Variants in GOLM2 observed in about 807,000 individuals in gnomAD.
GOLM2 encodes the protein golgi membrane protein 2, also known as protein GOLM2.
GOLM2 carries 26 observed loss-of-function variants against 55.9 expected under a neutral mutation model. That is an observed-to-expected ratio of 0.47 (90% CI 0.34 to 0.65). The LOEUF is 0.65. GOLM2 is among the 30% of genes least tolerant of loss of function. The probability of loss-of-function intolerance (pLI) is 0.01; values close to 1 mark genes in which losing one functional copy is unlikely to be tolerated. For synonymous variants in GOLM2, 165 were observed against 194.6 expected, an observed-to-expected ratio of 0.85 and a Z score of 1.27; for missense variants, 486 against 531.8, an observed-to-expected ratio of 0.91 and a Z score of 0.85.
chr15:44,408,641 C>T (rs1447572444), intron 9 of GOLM2, among the ~76,000 whole-genome samples: 3 of 152,142 alleles, frequency 2.0e-5, no homozygotes, highest in Non-Finnish European at 4.4e-5. Flanking sequence ...TGTTCCTAGA[C>T]ATTTGCTCTT....
At chr15:44,333,751 C>T (rs2079038530) in intron 4 of GOLM2, among the ~76,000 whole-genome samples, 1 of 151,730 alleles carries the variant, frequency 6.6e-6, no homozygotes, top group African/African-American at 2.4e-5. Context: ...GCGTCTCACT[C>T]TGTCACCCAG....
chr15:44,301,381 A>G (rs957985316), intron 1 of GOLM2, among the ~76,000 whole-genome samples: 2 of 152,096 alleles, frequency 1.3e-5, no homozygotes, highest in Admixed American at 6.5e-5. Context: ...TTCCCACTCA[A>G]TGTTTACATA....
chr15:44,303,136 A>T (rs2078811225), intron 1 of GOLM2, among the ~76,000 whole-genome samples: 1 of 150,524 alleles, frequency 6.6e-6, no homozygotes, highest in Admixed American at 6.6e-5. Flanking sequence ...AAATAAATAA[A>T]TAAATAGTCT....
intron 6 of GOLM2, among the ~76,000 whole-genome samples, chr15:44,366,746 G>T (rs75192746): frequency 6.6e-6 from 1 of 151,900 alleles, no homozygotes; most frequent in Non-Finnish European, 1.5e-5. Flanking sequence ...CCTGTAATCC[G>T]AACAGTTTGG....
intron 8 of GOLM2, among the ~76,000 whole-genome samples, chr15:44,397,981 A>G (rs2079538913): frequency 6.6e-6 from 1 of 152,200 alleles, no homozygotes; most frequent in African/African-American, 2.4e-5. Flanking sequence ...ATCAGTTTCT[A>G]ACATTTCCTC....
At chr15:44,344,430 G>A (rs1427762366) in intron 6 of GOLM2, among the ~76,000 whole-genome samples, 1 of 151,762 alleles carries the variant, frequency 6.6e-6, no homozygotes, top group Non-Finnish European at 1.5e-5. Flanking sequence ...TTTAATGCTT[G>A]ATTTGGAACT....
chr15:44,413,008 A>T (rs1358470513), intron 9 of GOLM2, among the ~76,000 whole-genome samples: 1 of 152,064 alleles, frequency 6.6e-6, no homozygotes, highest in East Asian at 1.9e-4. Flanking sequence ...GTCTCAAAAA[A>T]AAAAAAAAGA....
intron 8 of GOLM2, among the ~76,000 whole-genome samples, chr15:44,395,808 C>A (rs879497387): frequency 4.6e-5 from 7 of 151,842 alleles, no homozygotes; most frequent in South Asian, 4.2e-4. Context: ...CTACTGCACT[C>A]CAGCCTGGCG....
intron 1 of GOLM2, among the ~76,000 whole-genome samples, chr15:44,321,562 T>C (rs754617931): frequency 9.2e-5 from 14 of 152,062 alleles, no homozygotes; most frequent in Admixed American, 3.9e-4. Flanking sequence ...ATGGTAGTTA[T>C]ACAAATCTGC....
chr15:44,297,575 T>A (rs77044221), intron 1 of GOLM2, among the ~76,000 whole-genome samples: 1 of 151,716 alleles, frequency 6.6e-6, no homozygotes, highest in African/African-American at 2.4e-5. Context: ...TTTTTTTTTT[T>A]AATTGAGGCA....
rs542644007 is a variant in GOLM2 at position 44,295,608 on chromosome 15, G to T, written c.327+6252G>T. Among the ~76,000 whole-genome samples, 8 of 152,280 alleles carry T rather than the reference G, an allele frequency of 5.3e-5. No individual in the cohort carries two copies. In the South Asian group the frequency reaches 1.7e-3, roughly 32 times the overall value. On this transcript the variant is annotated intron_variant, in intron 1 of 9. Transcript: ENST00000299957. Reference sequence around the variant, plus strand: ...AATTTATTTTCTCACATTTTTGAAGGTTGGAAGTCTAAGACCAAGGTGCCA... The same window carrying T: ...AATTTATTTTCTCACATTTTTGAAGTTTGGAAGTCTAAGACCAAGGTGCCA...
chr15:44,328,664 G>T (rs939623575), intron 2 of GOLM2, 21 bp from the exon 3 acceptor site: 3 of 1,576,124 alleles, frequency 1.9e-6, no homozygotes, highest in African/African-American at 2.7e-5. Context: ...GATTCCTTTG[G>T]TTCTTACCTT....
chr15:44,298,425 G>A (rs1038097049), intron 1 of GOLM2, among the ~76,000 whole-genome samples: 11 of 149,318 alleles, frequency 7.4e-5, no homozygotes, highest in Non-Finnish European at 1.3e-4. Context: ...CACCATGGCC[G>A]GCTAATTTTT....
intron 8 of GOLM2, among the ~76,000 whole-genome samples, chr15:44,384,055 T>C (rs2079424012): frequency 1.3e-5 from 2 of 152,190 alleles, no homozygotes; most frequent in Non-Finnish European, 2.9e-5. Flanking sequence ...TATAAGACTT[T>C]CTTATGCTTT....
chr15:44,338,631 A>G (rs1034826325), intron 6 of GOLM2, among the ~76,000 whole-genome samples: 3 of 152,168 alleles, frequency 2.0e-5, no homozygotes, highest in African/African-American at 7.2e-5. Flanking sequence ...AAAAGTATGC[A>G]TGGCTCTTTT....
At chr15:44,345,921 T>TGA (rs1555423490) in intron 6 of GOLM2, 1 of 151,894 alleles carries the variant, frequency 6.6e-6, no homozygotes, top group Non-Finnish European at 1.5e-5. Flanking sequence ...TGTGTGTGTG[T>TGA]GACAGAGTCT....
In GOLM2 at chr15:44,304,230, C is replaced by CTTTTTTTTT. The variant is rs895623812; in HGVS notation, c.327+14895_327+14903dup. 6.8e-4 allele frequency among the ~76,000 whole-genome samples: 56 copies of CTTTTTTTTT among 82,926 alleles called. 2 individuals carry two copies. The highest frequency in any genetic ancestry group is 2.0e-3 in the African/African-American group (41 of 20,018). 54.4% of individuals were successfully genotyped at this position (82,926 alleles called of 152,430 possible). A position where few individuals can be genotyped will look rare whatever the true frequency, so the allele number is the denominator to read the frequency against. The stretch of plus-strand genomic sequence containing the variant: ...TCAGTCACGTCTTCAGGCTCCACTT[C>CTTTTTTTTT]TTTTTTTTTTTTTTTTTTTTTTTTT... On this transcript the variant is annotated intron_variant, in intron 1 of 9. Transcript: ENST00000299957.
At chr15:44,394,544 T>C (rs1475364963) in intron 8 of GOLM2, among the ~76,000 whole-genome samples, 1 of 152,216 alleles carries the variant, frequency 6.6e-6, no homozygotes, top group African/African-American at 2.4e-5. Context: ...GTGCCTACTA[T>C]ATGCAGGGCC....
At chr15:44,378,730 T>G (rs1314261531) in intron 6 of GOLM2, among the ~76,000 whole-genome samples, 4 of 152,142 alleles carry the variant, frequency 2.6e-5, no homozygotes, top group Admixed American at 2.6e-4. Context: ...TGAAGATCAC[T>G]GTATCTGAAG....
Sources: gnomAD v4.1 joint callset for allele counts (sites outside exome capture counted in the v4.1 genomes callset) on GRCh38, gnomAD v4.1.1 for gene constraint, MANE v1.5 for transcripts, NCBI Gene and HGNC (gene_info 2026-07-23, HGNC 2026-07-21) for gene names.